HSF2: variants seen among roughly 807,000 people sequenced by gnomAD.
HSF2 encodes the protein heat shock transcription factor 2.
In HSF2, 21 loss-of-function variants were observed where a neutral mutation model predicts 65.0. The observed-to-expected ratio is 0.32, with a 90% CI of 0.23 to 0.47. The LOEUF (loss-of-function observed/expected upper bound fraction) is 0.47, where lower values mean the gene tolerates loss of function less well. Among genes scored for constraint, HSF2 ranks in the 20% least tolerant of loss-of-function variants. HSF2 has a pLI of 1.00. For missense variants in HSF2, 499 were observed against 628.1 expected (o/e 0.79, Z 2.20); for synonymous variants, 225 against 219.1 (o/e 1.03, Z -0.24).
intron 4 of HSF2, among the ~76,000 whole-genome samples, chr6:122,414,732 T>C (rs1443312991): frequency 6.6e-6 from 1 of 152,172 alleles, no homozygotes; most frequent in East Asian, 1.9e-4. Context: ...TTCAAGCGAT[T>C]CTTGTGCCTC....
chr6:122,423,734 T>C (rs778872989), intron 10 of HSF2, 48 bp downstream of exon 10: 2 of 1,045,560 alleles, frequency 1.9e-6, no homozygotes, highest in East Asian at 4.9e-5. Context: ...TGTGTGTTTA[T>C]GTATATTATT....
At chr6:122,409,434 G>A (rs953699587) in intron 1 of HSF2, among the ~76,000 whole-genome samples, 5 of 151,984 alleles carry the variant, frequency 3.3e-5, no homozygotes, top group African/African-American at 1.2e-4. Context: ...CTGAATTGGA[G>A]AAGGGGGGTT....
chr6:122,420,257 T>C (rs1394801846), intron 7 of HSF2, 35 bp downstream of exon 7: 1 of 1,489,692 alleles, frequency 6.7e-7, no homozygotes, highest in Admixed American at 1.8e-5. Context: ...TTATATTTAT[T>C]GTCTCAGACT....
chr6:122,432,293 G>A lies in HSF2; in HGVS notation c.*73G>A. The A allele has an allele frequency of 5.4e-6, 7 of 1,304,266 alleles. No homozygotes were observed. The highest frequency in any genetic ancestry group is 7.4e-6 in the Non-Finnish European group (7 of 940,784). The allele number at this position is 1,304,266 out of a possible 1,614,324, so 80.8% of individuals were successfully genotyped here. On this transcript the variant is annotated 3_prime_UTR_variant, in exon 13 of 13. Coordinates refer to ENST00000368455, the MANE Select transcript of HSF2 (RefSeq NM_004506.4). ...ACTATTTATTTTAAAGTATCATTTG[G>A]TACTTTTTTTGTAAATTGCTTTGTT...
At chr6:122,419,260 G>A (rs1562203191) in intron 6 of HSF2, 31 bp downstream of exon 6, 3 of 1,075,510 alleles carry the variant, frequency 2.8e-6, no homozygotes, top group Non-Finnish European at 4.2e-6. Flanking sequence ...ATTATGTCCT[G>A]TATATAGGCA....
At chr6:122,429,989 C>T (rs1163843410) in intron 11 of HSF2, among the ~76,000 whole-genome samples, 3 of 152,050 alleles carry the variant, frequency 2.0e-5, no homozygotes, top group African/African-American at 7.2e-5. Flanking sequence ...TGTGTCTCTG[C>T]CAGGTTTTGG....
intron 10 of HSF2, among the ~76,000 whole-genome samples, chr6:122,426,627 G>A (rs996792699): frequency 9.9e-5 from 15 of 152,006 alleles, no homozygotes; most frequent in African/African-American, 3.6e-4. Context: ...GAAAGGAGAA[G>A]GAAATAAAAA....
At position 122,414,174 on chromosome 6, in the gene HSF2, T is replaced by C. The variant is rs375012218; in HGVS notation, c.455+525T>C. On this transcript the variant is annotated intron_variant, in intron 4 of 12. Transcript: ENST00000368455. The stretch of plus-strand genomic sequence containing the variant: ...GACTTGGAAAAGTGTTATTCAGAGC[T>C]TTTATCTACAGAAAGATGCTTCGTT... 2.8e-4 allele frequency among the ~76,000 whole-genome samples: 42 copies of C among 152,316 alleles called. No homozygotes were observed. In the South Asian group the frequency reaches 8.5e-3, roughly 31 times the overall value.
chr6:122,408,636 A>G (rs1250750264), intron 1 of HSF2, among the ~76,000 whole-genome samples: 4 of 152,140 alleles, frequency 2.6e-5, no homozygotes, highest in African/African-American at 9.7e-5. Flanking sequence ...AAATCATTTT[A>G]CTGATTTCAG....
Position 122,419,195 on chromosome 6 carries a change from C to A in HSF2, c.559C>A (p.Gln187Lys). The change falls in exon 6 of 13, where the codon CAA becomes AAA. Residue 187 changes from glutamine to lysine, a missense_variant. Around this residue, in one of 2 missense-constraint regions of HSF2, gnomAD observed 150 missense variants for 234.6 expected, o/e 0.64. Transcript: ENST00000368455. The part of the protein sequence containing the change: ...KIVQFIVTLV[Q>K]NNQLVSLKRK... ...TGTCCAGTTTATTGTTACATTGGTTCAAAATAACCAACTTGTGAGTTTAAA... is the reference window on the plus strand; with the variant it reads ...TGTCCAGTTTATTGTTACATTGGTTAAAAATAACCAACTTGTGAGTTTAAA... The A allele has an allele frequency of 6.7e-7, 1 of 1,492,562 alleles. No homozygotes were observed. The highest frequency in any genetic ancestry group is 9.3e-7 in the Non-Finnish European group (1 of 1,075,728). The allele number at this position is 1,492,562 out of a possible 1,614,324, so 92.5% of individuals were successfully genotyped here.
rs149914647 is a variant in HSF2, at chr6:122,424,457, T to C, written c.1176+771T>C. On this transcript the variant is annotated intron_variant, in intron 10 of 12. Coordinates refer to ENST00000368455, the MANE Select transcript of HSF2 (RefSeq NM_004506.4). Reference sequence around the variant, plus strand: ...CTTACATTGCAGCTTCTCTTACCCTTTTACAAGCCTCTCAGGCTAAACAAG... The same window carrying C: ...CTTACATTGCAGCTTCTCTTACCCTCTTACAAGCCTCTCAGGCTAAACAAG... 3.0e-3 allele frequency among the ~76,000 whole-genome samples: 453 copies of C among 152,172 alleles called. 2 individuals carry two copies. The highest frequency in any genetic ancestry group is 0.011 in the African/African-American group (441 of 41,542).
chr6:122,421,747 A>G (rs1188183006), intron 7 of HSF2, among the ~76,000 whole-genome samples: 1 of 152,158 alleles, frequency 6.6e-6, no homozygotes, highest in African/African-American at 2.4e-5. Flanking sequence ...ATTTCAAAAC[A>G]GAGCATCTTG....
intron 12 of HSF2, 91 bp downstream of exon 12, chr6:122,431,605 C>A: frequency 1.5e-6 from 1 of 669,052 alleles, no homozygotes. Flanking sequence ...ATTGAATATG[C>A]TGGCTTTAGT....
At chr6:122,414,388 T>C (rs1426472527) in intron 4 of HSF2, among the ~76,000 whole-genome samples, 1 of 152,222 alleles carries the variant, frequency 6.6e-6, no homozygotes, top group Non-Finnish European at 1.5e-5. Flanking sequence ...GACGTTACTT[T>C]AGTTAATCAT....
chr6:122,422,115 G>T, intron 7 of HSF2, 35 bp from the exon 8 acceptor site: 2 of 1,459,046 alleles, frequency 1.4e-6, no homozygotes, highest in South Asian at 1.2e-5. Context: ...CAATGATTTT[G>T]ATTTTTAGAT....
In HSF2 at chr6:122,412,280, C is replaced by T. The variant is rs551586328; in HGVS notation, c.94-93C>T. Reference sequence around the variant, plus strand: ...CTGAAGACATCAAGGAGGGACTGGACTACTCAAGACAGTTGTGGGATGTAT... The same window carrying T: ...CTGAAGACATCAAGGAGGGACTGGATTACTCAAGACAGTTGTGGGATGTAT... On this transcript the variant is annotated intron_variant, in intron 1 of 12. Coordinates refer to ENST00000368455, the MANE Select transcript of HSF2 (RefSeq NM_004506.4). The T allele has an allele frequency of 7.4e-4, 549 of 744,566 alleles. 4 individuals are homozygous for T. Among genetic ancestry groups the T allele is most frequent in the South Asian group, 5.8e-3 (364 of 62,592 alleles). 46.1% of individuals were successfully genotyped at this position (744,566 alleles called of 1,614,324 possible).
At chr6:122,423,037 C>G (rs945580241) in intron 9 of HSF2, 80 bp downstream of exon 9, 20 of 1,505,346 alleles carry the variant, frequency 1.3e-5, no homozygotes, top group Non-Finnish European at 1.7e-5. Context: ...TTTGAGTAAT[C>G]TTCCTTTCAG....
intron 5 of HSF2, among the ~76,000 whole-genome samples, chr6:122,417,568 A>C (rs1774152458): frequency 6.6e-6 from 1 of 152,142 alleles, no homozygotes; most frequent in African/African-American, 2.4e-5. Context: ...TGCTCCTGGA[A>C]TTTACTCTCA....
chr6:122,399,679 C>CCGCCGTAGCTGT lies in HSF2; in HGVS notation c.-54_-53insTAGCTGTCGCCG. 6.9e-7 allele frequency: 1 copy of CCGCCGTAGCTGT among 1,448,150 alleles called. No homozygotes were observed. Among genetic ancestry groups the CCGCCGTAGCTGT allele is most frequent in the South Asian group, 1.2e-5 (1 of 85,478 alleles). The allele number at this position is 1,448,150 out of a possible 1,614,324, so 89.7% of individuals were successfully genotyped here. A position where few individuals can be genotyped will look rare whatever the true frequency, so the allele number is the denominator to read the frequency against. On this transcript the variant is annotated 5_prime_UTR_variant, in exon 1 of 13. Transcript: ENST00000368455. ...TCTCGGGGAGCTGCTGCCGTAGCTGCCGCCGCCGCTACCACCGCGTTCGGG... is the reference window on the plus strand; with the variant it reads ...TCTCGGGGAGCTGCTGCCGTAGCTGCCGCCGTAGCTGTCGCCGCCGCTACCACCGCGTTCGGG...
Sources: allele counts gnomAD v4.1 joint callset (sites outside exome capture counted in the v4.1 genomes callset), GRCh38; gene constraint gnomAD v4.1.1; regional missense constraint gnomAD v4.1.1; transcripts MANE v1.5; gene names NCBI Gene and HGNC (gene_info 2026-07-23, HGNC 2026-07-21).